CEP128: variants seen among roughly 807,000 people sequenced by gnomAD.
CEP128 encodes centrosomal protein 128kDa.
In CEP128, 132 loss-of-function variants were observed where a neutral mutation model predicts 156.7. The observed-to-expected ratio is 0.84, with a 90% CI of 0.73 to 0.97. CEP128 has a LOEUF of 0.97. CEP128 is among the 50% of genes least tolerant of loss of function. The pLI, the probability that CEP128 is intolerant of heterozygous loss-of-function variation, is 0.00. For synonymous variants in CEP128, 469 were observed against 448.9 expected, an observed-to-expected ratio of 1.04 and a Z score of -0.57; for missense variants, 1,252 against 1,281.9, an observed-to-expected ratio of 0.98 and a Z score of 0.36.
intron 20 of CEP128, among the ~76,000 whole-genome samples, chr14:80,560,792 C>T (rs528318177): frequency 3.7e-4 from 56 of 152,280 alleles, no homozygotes; most frequent in African/African-American, 1.3e-3. Flanking sequence ...CCACGTTCTT[C>T]AGTTTTGGGG....
chr14:80,606,425 G>T lies in CEP128; in HGVS notation c.2807-26002C>A, dbSNP rs1008979629. On this transcript the variant is annotated intron_variant, in intron 19 of 24. Coordinates refer to ENST00000555265, the MANE Select transcript of CEP128 (RefSeq NM_152446.5). ...TTGTAGATAGAATCAAAGAAGCCAGGCTCTGTAAACACTACCAGCACATTG... is the reference window on the plus strand; with the variant it reads ...TTGTAGATAGAATCAAAGAAGCCAGTCTCTGTAAACACTACCAGCACATTG... Among the ~76,000 whole-genome samples the T allele has an allele frequency of 2.0e-5, 3 of 152,030 alleles. 1 individual carries two copies. The highest frequency in any genetic ancestry group is 2.0e-4 in the Admixed American group (3 of 15,262).
intron 15 of CEP128, among the ~76,000 whole-genome samples, chr14:80,783,244 T>C (rs896222741): frequency 5.9e-5 from 9 of 152,224 alleles, no homozygotes; most frequent in African/African-American, 1.9e-4. Context: ...ATGTTGGCAA[T>C]AGTATCATTA....
At chr14:80,585,639 A>T (rs1392271820) in intron 19 of CEP128, among the ~76,000 whole-genome samples, 1 of 152,210 alleles carries the variant, frequency 6.6e-6, no homozygotes, top group Non-Finnish European at 1.5e-5. Context: ...ACAGAGTAAC[A>T]TTGGCAGCAG....
intron 19 of CEP128, among the ~76,000 whole-genome samples, chr14:80,614,224 C>T (rs1017868214): frequency 6.6e-6 from 1 of 152,086 alleles, no homozygotes; most frequent in Admixed American, 6.6e-5. Context: ...AGAAGTATTA[C>T]AGCTCATTTT....
At chr14:80,650,253 T>G (rs1419841563) in intron 19 of CEP128, among the ~76,000 whole-genome samples, 1 of 152,182 alleles carries the variant, frequency 6.6e-6, no homozygotes, top group African/African-American at 2.4e-5. Context: ...TTGTGCTTTT[T>G]GCAAATTGAT....
intron 4 of CEP128, among the ~76,000 whole-genome samples, chr14:80,911,500 T>C (rs1330227328): frequency 6.6e-6 from 1 of 152,224 alleles, no homozygotes; most frequent in Non-Finnish European, 1.5e-5. Flanking sequence ...AGTAAGACTC[T>C]GTCTCAAAAT....
chr14:80,487,709 A>G (rs1887199971), downstream of CEP128, among the ~76,000 whole-genome samples: 1 of 152,226 alleles, frequency 6.6e-6, no homozygotes, highest in Admixed American at 6.5e-5. Flanking sequence ...ACTAGAACTC[A>G]GGACTAAGAA....
chr14:80,591,589 C>T (rs1047463873), intron 19 of CEP128, among the ~76,000 whole-genome samples: 1 of 152,132 alleles, frequency 6.6e-6, no homozygotes, highest in Non-Finnish European at 1.5e-5. Flanking sequence ...CAATACTAGA[C>T]AGATCAATGA....
intron 8 of CEP128, among the ~76,000 whole-genome samples, chr14:80,879,824 A>C (rs1450035581): frequency 8.0e-6 from 1 of 125,438 alleles, no homozygotes; most frequent in Non-Finnish European, 1.7e-5. Flanking sequence ...AGATCTACGA[A>C]GCTCAAATGT....
Position 80,511,881 on chromosome 14 carries a change from A to C in CEP128, c.3073-6861T>G, listed in dbSNP as rs143251058. 2.7e-3 allele frequency among the ~76,000 whole-genome samples: 406 copies of C among 152,004 alleles called. 1 individual carries two copies. The highest frequency in any genetic ancestry group is 4.6e-3 in the Non-Finnish European group (309 of 67,876). On this transcript the variant is annotated intron_variant, in intron 23 of 24. Transcript: ENST00000555265. ...TTCAAGAGCATACTGTTTAATTTCC[A>C]TGTGTTTGTATAGTTTCCAAATTGA...
intron 19 of CEP128, among the ~76,000 whole-genome samples, chr14:80,591,813 A>C (rs538209409): frequency 6.6e-6 from 1 of 152,356 alleles, no homozygotes; most frequent in South Asian, 2.1e-4. Flanking sequence ...AGTGTCTCAA[A>C]CCACAGTGCA....
chr14:80,810,323 CAAAAAAAAAAAAA>C (rs71103883), intron 13 of CEP128, among the ~76,000 whole-genome samples: 17 of 15,206 alleles, frequency 1.1e-3, no homozygotes, highest in East Asian at 5.4e-3. Flanking sequence ...ACTCCATCTC[CAAAAAAAAAAAAA>C]AAAAAAAAAA....
In CEP128 at chr14:80,792,841, C is replaced by G; in HGVS notation, c.1479G>C (p.Trp493Cys). The part of the protein sequence containing the change: ...KLKAQESIRQ[W>C]KLKHKKLERA... ...GTTCTAACTTCTTATGCTTAAGCTT[C>G]CACTGCCTAATGGATTCTTGAGCTT... Residue 493 changes from tryptophan to cysteine, a missense_variant, in exon 14 of 25, where the codon TGG becomes TGC. By Grantham distance (215) the Trp-to-Cys change is radical (BLOSUM62 -2). Transcript: ENST00000555265. 6.2e-7 allele frequency: 1 copy of G among 1,614,214 alleles called. No individual in the cohort carries two copies. The highest frequency in any genetic ancestry group is 8.5e-7 in the Non-Finnish European group (1 of 1,180,032).
chr14:80,893,569 T>A (rs1041794375), intron 8 of CEP128, among the ~76,000 whole-genome samples: 6 of 151,194 alleles, frequency 4.0e-5, no homozygotes, highest in African/African-American at 1.5e-4. Flanking sequence ...AATGTAATAA[T>A]CTTTATACTA....
chr14:80,821,553 T>G (rs974627897), intron 13 of CEP128, among the ~76,000 whole-genome samples: 6 of 151,528 alleles, frequency 4.0e-5, no homozygotes, highest in African/African-American at 1.5e-4. Context: ...TATCAATACT[T>G]CATATTTTCT....
intron 19 of CEP128, among the ~76,000 whole-genome samples, chr14:80,647,114 CACACACACACAT>C (rs1345190205): frequency 2.5e-5 from 3 of 120,610 alleles, no homozygotes; most frequent in Non-Finnish European, 3.6e-5. Flanking sequence ...CATACACACA[CACACACACACAT>C]ACACACACAC....
chr14:80,765,471 G>A (rs992577248), intron 16 of CEP128, among the ~76,000 whole-genome samples: 2 of 152,130 alleles, frequency 1.3e-5, no homozygotes, highest in South Asian at 2.1e-4. Flanking sequence ...TTCAGAGGGG[G>A]CAATATCCCC....
In CEP128 at chr14:80,540,306, T is replaced by A. The variant is rs371160420; in HGVS notation, c.2881-9420A>T. On this transcript the variant is annotated intron_variant, in intron 21 of 24. Transcript: ENST00000555265. ...ACCCCTGGCGGCCCAGCTGTAAAATTTCTCTCTTTGTACTGTCTCTCTTTA... is the reference window on the plus strand; with the variant it reads ...ACCCCTGGCGGCCCAGCTGTAAAATATCTCTCTTTGTACTGTCTCTCTTTA... Among the ~76,000 whole-genome samples, 15 of 151,364 alleles carry A rather than the reference T, an allele frequency of 9.9e-5. No individual in the cohort carries two copies. The East Asian group carries it at 1.6e-3, about 16-fold the overall frequency.
chr14:80,746,993 T>C (rs1899134724), intron 18 of CEP128, among the ~76,000 whole-genome samples: 1 of 152,206 alleles, frequency 6.6e-6, no homozygotes, highest in South Asian at 2.1e-4. Flanking sequence ...CTGAACATCA[T>C]TAGCCATCAG....
Sources: allele counts gnomAD v4.1 joint callset (sites outside exome capture counted in the v4.1 genomes callset), GRCh38; gene constraint gnomAD v4.1.1; transcripts MANE v1.5; gene names NCBI Gene and HGNC (gene_info 2026-07-23, HGNC 2026-07-21).